Variants in LUZP2 observed in about 807,000 individuals in gnomAD.
LUZP2 encodes the protein leucine zipper protein 2.
LUZP2 carries 52 observed loss-of-function variants against 51.6 expected under a neutral mutation model. The observed-to-expected ratio is 1.01, with a 90% CI of 0.81 to 1.27. LUZP2 has a LOEUF of 1.27. Among genes scored for constraint, LUZP2 ranks in the 50% most tolerant of loss-of-function variants. The probability of loss-of-function intolerance (pLI) is 0.00; values close to 1 mark genes in which losing one functional copy is unlikely to be tolerated. For synonymous variants in LUZP2, 154 were observed against 137.3 expected (o/e 1.12, Z -0.85); for missense variants, 436 against 395.4 (o/e 1.10, Z -0.87).
intron 1 of LUZP2, among the ~76,000 whole-genome samples, chr11:24,520,338 G>A (rs373877289): frequency 3.9e-5 from 6 of 152,136 alleles, no homozygotes; most frequent in Non-Finnish European, 8.8e-5. Context: ...AACAGGGAAG[G>A]ATTTAAAAAA....
intron 1 of LUZP2, among the ~76,000 whole-genome samples, chr11:24,566,857 T>C (rs995449150): frequency 3.0e-5 from 4 of 134,962 alleles, no homozygotes; most frequent in Non-Finnish European, 6.7e-5. Context: ...TATACATATA[T>C]AATGTATATA....
At chr11:24,962,905 G>T (rs1855459086) in intron 7 of LUZP2, among the ~76,000 whole-genome samples, 1 of 152,164 alleles carries the variant, frequency 6.6e-6, no homozygotes, top group African/African-American at 2.4e-5. Context: ...GTCTACTTTT[G>T]GTCTTTGATG....
intron 7 of LUZP2, among the ~76,000 whole-genome samples, chr11:24,966,355 T>A (rs1855582243): frequency 6.6e-6 from 1 of 151,292 alleles, no homozygotes; most frequent in South Asian, 2.1e-4. Flanking sequence ...GTTTATGACT[T>A]GGCTTTTCAT....
chr11:24,737,670 G>A (rs1014635558), intron 3 of LUZP2, among the ~76,000 whole-genome samples: 2 of 152,096 alleles, frequency 1.3e-5, no homozygotes, highest in South Asian at 2.1e-4. Flanking sequence ...GCATAGGCAT[G>A]CATTTTTAAA....
chr11:24,633,872 A>T lies in LUZP2; in HGVS notation c.63-95297A>T, dbSNP rs141009695. Among the ~76,000 whole-genome samples the T allele has an allele frequency of 3.3e-3, 505 of 151,898 alleles. 1 individual carries two copies. Among genetic ancestry groups the T allele is most frequent in the Admixed American group, 5.1e-3 (78 of 15,228 alleles). ...ATTAATTACATTCTTATGCTTTGTAATCATCACTCTTGACATCCTTCAAAT... is the reference window on the plus strand; with the variant it reads ...ATTAATTACATTCTTATGCTTTGTATTCATCACTCTTGACATCCTTCAAAT... On this transcript the variant is annotated intron_variant, in intron 1 of 11. Transcript: ENST00000336930.
chr11:24,706,285 C>G (rs1434866803), intron 1 of LUZP2, among the ~76,000 whole-genome samples: 1 of 151,924 alleles, frequency 6.6e-6, no homozygotes, highest in Non-Finnish European at 1.5e-5. Flanking sequence ...TATTGAATGC[C>G]AGGAGCTCGT....
At chr11:24,896,778 T>C (rs866959740) in intron 5 of LUZP2, among the ~76,000 whole-genome samples, 1 of 152,190 alleles carries the variant, frequency 6.6e-6, no homozygotes, top group Non-Finnish European at 1.5e-5. Flanking sequence ...GGTGGGAACT[T>C]GGAGAACTTT....
At chr11:24,534,331 T>TAG (rs889852595) in intron 1 of LUZP2, among the ~76,000 whole-genome samples, 2 of 151,036 alleles carry the variant, frequency 1.3e-5, no homozygotes, top group African/African-American at 4.8e-5. Flanking sequence ...TATTTCCATA[T>TAG]AGAGAGAGAG....
At chr11:24,541,257 G>GAA (rs3077907) in intron 1 of LUZP2, among the ~76,000 whole-genome samples, 2,954 of 114,096 alleles carry the variant, frequency 0.026, 110 homozygotes, top group East Asian at 0.13. Context: ...TCATCTCAAG[G>GAA]AAAAAAAAAA....
chr11:24,991,396 G>A (rs1584193), intron 9 of LUZP2, among the ~76,000 whole-genome samples: 39,928 of 122,280 alleles, frequency 0.33, 8,402 homozygotes, highest in East Asian at 0.74. Flanking sequence ...GTGTGTGTGT[G>A]TATATATATA....
chr11:24,949,657 GAT>G (rs761518248), intron 7 of LUZP2, among the ~76,000 whole-genome samples: 1 of 151,486 alleles, frequency 6.6e-6, no homozygotes, highest in Non-Finnish European at 1.5e-5. Flanking sequence ...CGTAATACTG[GAT>G]TTGAATGAAA....
chr11:24,565,262 C>G (rs983231957), intron 1 of LUZP2, among the ~76,000 whole-genome samples: 1 of 151,810 alleles, frequency 6.6e-6, no homozygotes, highest in African/African-American at 2.4e-5. Context: ...AAAGCAGATG[C>G]ATTAAATAGA....
chr11:24,679,829 G>A (rs1856675066), intron 1 of LUZP2, among the ~76,000 whole-genome samples: 1 of 152,138 alleles, frequency 6.6e-6, no homozygotes, highest in African/African-American at 2.4e-5. Context: ...TCTGCCACCA[G>A]AATATAAATT....
intron 5 of LUZP2, among the ~76,000 whole-genome samples, chr11:24,859,456 G>C (rs973520835): frequency 6.6e-6 from 1 of 152,126 alleles, no homozygotes; most frequent in Non-Finnish European, 1.5e-5. Context: ...TTTTAAAAAT[G>C]GAGTAAATAT....
At chr11:25,026,269 T>C (rs1857489841) in intron 9 of LUZP2, among the ~76,000 whole-genome samples, 1 of 152,074 alleles carries the variant, frequency 6.6e-6, no homozygotes, top group African/African-American at 2.4e-5. Context: ...TGTGCACATG[T>C]ACCCTAGACC....
intron 10 of LUZP2, among the ~76,000 whole-genome samples, chr11:25,052,600 T>C (rs906511821): frequency 3.9e-5 from 6 of 152,200 alleles, no homozygotes; most frequent in African/African-American, 1.4e-4. Context: ...TGTATAAATT[T>C]AGCCATAATA....
At chr11:24,573,694 A>G (rs190736534) in intron 1 of LUZP2, among the ~76,000 whole-genome samples, 1 of 152,098 alleles carries the variant, frequency 6.6e-6, no homozygotes, top group African/African-American at 2.4e-5. Context: ...AAAATAAAAG[A>G]CACATGGTAT....
chr11:24,708,662 A>T (rs936041378), intron 1 of LUZP2, among the ~76,000 whole-genome samples: 3 of 152,076 alleles, frequency 2.0e-5, no homozygotes, highest in African/African-American at 7.2e-5. Flanking sequence ...TTGGTTCTTC[A>T]CCCCCACAAG....
intron 1 of LUZP2, among the ~76,000 whole-genome samples, chr11:24,663,617 A>G (rs1182074302): frequency 6.6e-6 from 1 of 152,126 alleles, no homozygotes; most frequent in Non-Finnish European, 1.5e-5. Flanking sequence ...GTAATATCTA[A>G]TTCTCATTTC....
Sources: gnomAD v4.1 joint callset for allele counts (sites outside exome capture counted in the v4.1 genomes callset) on GRCh38, gnomAD v4.1.1 for gene constraint, MANE v1.5 for transcripts, NCBI Gene and HGNC (gene_info 2026-07-23, HGNC 2026-07-21) for gene names.